The following TULP4 variants were observed in gnomAD, a reference collection of about 807,000 sequenced individuals.
The protein encoded by TULP4 is tubby-related protein 4.
A neutral mutation model predicts 129.0 loss-of-function variants in TULP4; 16 were observed. The ratio of observed to expected loss-of-function variants is 0.12; its 90% CI spans 0.08 to 0.19. The LOEUF is 0.19. TULP4 is among the 10% of genes least tolerant of loss of function. The probability of loss-of-function intolerance (pLI) is 1.00; values close to 1 mark genes in which losing one functional copy is unlikely to be tolerated. For missense variants in TULP4, 1,842 were observed against 2,059.1 expected (o/e 0.89, Z 2.04); for synonymous variants, 998 against 854.0 (o/e 1.17, Z -2.94).
chr6:158,483,695 A>C (rs968927047), intron 8 of TULP4, among the ~76,000 whole-genome samples: 1 of 151,686 alleles, frequency 6.6e-6, no homozygotes, highest in South Asian at 2.1e-4. Flanking sequence ...ATGCACCACC[A>C]CCCCCATGCA....
intron 1 of TULP4, among the ~76,000 whole-genome samples, chr6:158,265,806 A>G (rs1023222926): frequency 2.0e-5 from 3 of 152,038 alleles, no homozygotes; most frequent in African/African-American, 4.8e-5. Flanking sequence ...GTGTGCCCAG[A>G]CCTCCCCACC....
rs983065576 is a variant in TULP4 at position 158,370,589 on chromosome 6, G to C, written c.253-42476G>C. On this transcript the variant is annotated intron_variant, in intron 1 of 13. Transcript: ENST00000367097. ...CCAAATTACATAAGTCTTCAGAGTG[G>C]ACTTATTCAAACATAATGAAATCTG... 6.7e-5 allele frequency among the ~76,000 whole-genome samples: 10 copies of C among 150,046 alleles called. No individual in the cohort carries two copies. In the East Asian group the frequency reaches 1.9e-3, roughly 29 times the overall value.
intron 6 of TULP4, among the ~76,000 whole-genome samples, chr6:158,468,558 T>G (rs1351557602): frequency 6.6e-6 from 1 of 152,212 alleles, no homozygotes; most frequent in African/African-American, 2.4e-5. Flanking sequence ...TTTAAAAAAA[T>G]TAATAATAAA....
At chr6:158,418,064 A>G (rs1416729982) in intron 2 of TULP4, among the ~76,000 whole-genome samples, 8 of 151,852 alleles carry the variant, frequency 5.3e-5, no homozygotes, top group African/African-American at 1.9e-4. Context: ...TGAAAAACTA[A>G]AAGAACTGGA....
chr6:158,385,330 A>AAT (rs1777414424), intron 1 of TULP4, among the ~76,000 whole-genome samples: 1 of 152,242 alleles, frequency 6.6e-6, no homozygotes, highest in African/African-American at 2.4e-5. Flanking sequence ...ATTTCTCTGC[A>AAT]GTCAGGGCAT....
At chr6:158,367,498 G>GGTAT (rs1407087543) in intron 1 of TULP4, among the ~76,000 whole-genome samples, 1 of 152,074 alleles carries the variant, frequency 6.6e-6, no homozygotes, top group African/African-American at 2.4e-5. Flanking sequence ...GCAGCCATAT[G>GGTAT]GTATCTGTTT....
At position 158,413,025 on chromosome 6, in the gene TULP4, T is replaced by C. The variant is rs1778131275; in HGVS notation, c.253-40T>C. On this transcript the variant is annotated intron_variant, in intron 1 of 13. Transcript: ENST00000367097. This position sits in a 1 kb window ranked among gnomAD's most constrained non-coding sequence, Gnocchi z 4.9. ...CACAGAAATAATCCTGGCCCACAGA[T>C]TTATTTCCTGTGGTAAATGTCTTCT... 2 of 1,582,896 alleles carry C rather than the reference T, an allele frequency of 1.3e-6. No individual in the cohort carries two copies. Among genetic ancestry groups the C allele is most frequent in the Non-Finnish European group, 1.7e-6 (2 of 1,161,452 alleles).
At chr6:158,263,574 A>G (rs1007051155) in intron 1 of TULP4, among the ~76,000 whole-genome samples, 1 of 152,178 alleles carries the variant, frequency 6.6e-6, no homozygotes, top group Admixed American at 6.5e-5. Context: ...TTGGGTCTGT[A>G]GTGGAATGAA....
rs1415021389 is a variant in TULP4, at chr6:158,425,443, G to A, written c.382-4293G>A. Reference sequence around the variant, plus strand: ...CCGGAGAATCACTTGAACCTGAGAGGTGGAGGTTGTGGTGAGCTGTGATCG... The same window carrying A: ...CCGGAGAATCACTTGAACCTGAGAGATGGAGGTTGTGGTGAGCTGTGATCG... On this transcript the variant is annotated intron_variant, in intron 2 of 13. Coordinates refer to ENST00000367097, the MANE Select transcript of TULP4 (RefSeq NM_020245.5). Among the ~76,000 whole-genome samples, 3 of 149,906 alleles carry A rather than the reference G, an allele frequency of 2.0e-5. No individual in the cohort carries two copies. In the East Asian group the frequency reaches 6.0e-4, roughly 30 times the overall value.
At position 158,354,903 on chromosome 6, in the gene TULP4, ACCAG is replaced by A. The variant is rs1277969519; in HGVS notation, c.252+40636_252+40639del. 3.5e-4 allele frequency among the ~76,000 whole-genome samples: 53 copies of A among 150,636 alleles called. No individual in the cohort carries two copies. The East Asian group carries it at 7.4e-3, about 21-fold the overall frequency. ...ACCCCATCTCAAAAAAAAAAAAAAA[ACCAG>A]AAAGCCCTCAAGATGCTCATTTGCT... On this transcript the variant is annotated intron_variant, in intron 1 of 13. Coordinates refer to ENST00000367097, the MANE Select transcript of TULP4 (RefSeq NM_020245.5).
At chr6:158,314,382 T>TC (rs1211418236) in intron 1 of TULP4, 114 bp downstream of exon 1, 5 of 1,269,186 alleles carry the variant, frequency 3.9e-6, no homozygotes, top group Admixed American at 4.2e-5. Context: ...TAGTGAGACT[T>TC]CCCATGCTGT....
chr6:158,372,462 A>G (rs1777095513), intron 1 of TULP4, among the ~76,000 whole-genome samples: 4 of 152,124 alleles, frequency 2.6e-5, no homozygotes, highest in African/African-American at 9.7e-5. Context: ...ATTTTGTGAC[A>G]TGTCAGTGCT....
chr6:158,366,484 C>T (rs1583802331), intron 1 of TULP4, among the ~76,000 whole-genome samples: 1 of 152,176 alleles, frequency 6.6e-6, no homozygotes, highest in East Asian at 1.9e-4. Flanking sequence ...TCAGCCATAG[C>T]CTCCGGTAGT....
At chr6:158,417,631 G>C (rs1778239851) in intron 2 of TULP4, among the ~76,000 whole-genome samples, 1 of 152,302 alleles carries the variant, frequency 6.6e-6, no homozygotes, top group Non-Finnish European at 1.5e-5. Flanking sequence ...ATGGATCACT[G>C]GTCAAGGAAC....
In TULP4 at chr6:158,503,137, C is replaced by T. The variant is rs1449655935; in HGVS notation, c.3474C>T (p.Gly1158=). 1.2e-6 allele frequency: 2 copies of T among 1,613,558 alleles called. No individual in the cohort carries two copies. Among genetic ancestry groups the T allele is most frequent in the African/African-American group, 2.7e-5 (2 of 74,902 alleles). Residue 1158 remains glycine (G), a synonymous_variant, in exon 13 of 14, where the codon GGC becomes GGT. Coordinates refer to ENST00000367097, the MANE Select transcript of TULP4 (RefSeq NM_020245.5). This position sits in a 1 kb window ranked among gnomAD's most constrained non-coding sequence, Gnocchi z 4.3. ...LKLSSLMLSQ[G]QHLDVSRLPF... ...TGTCCTCTCTGATGCTGAGTCAGGG[C>T]CAGCACCTGGACGTGTCCCGACTGC...
At chr6:158,433,597 G>A (rs1012391375) in intron 3 of TULP4, among the ~76,000 whole-genome samples, 1 of 152,180 alleles carries the variant, frequency 6.6e-6, no homozygotes, top group African/African-American at 2.4e-5. Flanking sequence ...TGTAGTCCCA[G>A]CTACTCCGGA....
At chr6:158,421,038 G>A (rs1419225895) in intron 2 of TULP4, among the ~76,000 whole-genome samples, 1 of 152,094 alleles carries the variant, frequency 6.6e-6, no homozygotes, top group Non-Finnish European at 1.5e-5. Context: ...ACTTTGGAGA[G>A]GCGTGAGACA....
intron 1 of TULP4, among the ~76,000 whole-genome samples, chr6:158,263,787 G>A (rs1778394262): frequency 6.6e-6 from 1 of 151,770 alleles, no homozygotes; most frequent in South Asian, 2.1e-4. Flanking sequence ...AACAGGCTGG[G>A]CGCGGTGGCT....
intron 1 of TULP4, chr6:158,242,735 A>G (rs1777946777): frequency 2.0e-6 from 1 of 488,338 alleles, no homozygotes; most frequent in South Asian, 2.0e-5. Context: ...CAGGCTTGAG[A>G]GCACACAGGA....
Sources: gnomAD v4.1 joint callset for allele counts (sites outside exome capture counted in the v4.1 genomes callset) on GRCh38, gnomAD v4.1.1 for gene constraint, Gnocchi (gnomAD v3.1) non-coding constraint, MANE v1.5 for transcripts, NCBI Gene and HGNC (gene_info 2026-07-23, HGNC 2026-07-21) for gene names.